Variants in PATJ observed in about 807,000 individuals in gnomAD.
PATJ encodes the protein PATJ crumbs cell polarity complex component.
A neutral mutation model predicts 224.9 loss-of-function variants in PATJ; 190 were observed. The ratio of observed to expected loss-of-function variants is 0.84; its 90% CI spans 0.75 to 0.95. PATJ has a LOEUF of 0.95. PATJ is among the 40% of genes least tolerant of loss of function. The probability of loss-of-function intolerance (pLI) is 0.00; values close to 1 mark genes in which losing one functional copy is unlikely to be tolerated. For synonymous variants in PATJ, 769 were observed against 820.3 expected, an observed-to-expected ratio of 0.94 and a Z score of 1.07; for missense variants, 2,121 against 2,270.3, an observed-to-expected ratio of 0.93 and a Z score of 1.34.
At chr1:61,800,438 G>A (rs1006180099) in intron 11 of PATJ, among the ~76,000 whole-genome samples, 7 of 152,080 alleles carry the variant, frequency 4.6e-5, no homozygotes, top group Admixed American at 4.6e-4. Context: ...TTGTTTTATT[G>A]TTACTGAGTT....
At chr1:61,876,555 G>T (rs530145051) in intron 21 of PATJ, among the ~76,000 whole-genome samples, 56 of 152,176 alleles carry the variant, frequency 3.7e-4, no homozygotes, top group Admixed American at 1.2e-3. Flanking sequence ...TGGGGGTGGG[G>T]TATCCTGTGC....
At chr1:61,835,467 G>A (rs549410823) in intron 17 of PATJ, among the ~76,000 whole-genome samples, 8 of 152,214 alleles carry the variant, frequency 5.3e-5, no homozygotes, top group Admixed American at 4.6e-4. Context: ...GCAGTGGTGC[G>A]ATCTTGGCTC....
At chr1:62,108,800 TG>T (rs1663443073) in intron 34 of PATJ, among the ~76,000 whole-genome samples, 1 of 152,006 alleles carries the variant, frequency 6.6e-6, no homozygotes, top group African/African-American at 2.4e-5. Context: ...TATATAATAT[TG>T]CAAATTTTTT....
At chr1:61,791,156 A>G (rs185106637) in intron 8 of PATJ, among the ~76,000 whole-genome samples, 192 bp from the exon 9 acceptor site, 96 of 152,284 alleles carry the variant, frequency 6.3e-4, no homozygotes, top group Non-Finnish European at 1.0e-3. Flanking sequence ...GCCCACTTGG[A>G]TAGTCTCCAT....
chr1:61,845,058 A>G (rs1661711524), intron 17 of PATJ, among the ~76,000 whole-genome samples: 1 of 152,196 alleles, frequency 6.6e-6, no homozygotes, highest in South Asian at 2.1e-4. Flanking sequence ...ATCATAATAT[A>G]TATAGGACTT....
At chr1:62,015,167 G>C (rs1288385836) in intron 28 of PATJ, among the ~76,000 whole-genome samples, 1 of 151,774 alleles carries the variant, frequency 6.6e-6, no homozygotes, top group South Asian at 2.1e-4. Flanking sequence ...AGCCGGGCTT[G>C]GTGGCGGGCA....
chr1:62,098,537 G>T lies in PATJ; in HGVS notation c.4378-9900G>T, dbSNP rs1203502918. Among the ~76,000 whole-genome samples the T allele has an allele frequency of 1.1e-4, 16 of 152,110 alleles. No homozygotes were observed. In the East Asian group the frequency reaches 3.1e-3, roughly 30 times the overall value. On this transcript the variant is annotated intron_variant, in intron 33 of 43. Coordinates refer to ENST00000642238, the MANE Select transcript of PATJ (RefSeq NM_001350145.3). The stretch of plus-strand genomic sequence containing the variant: ...TTGAACCCAGGAGGTGGAGGTTTCA[G>T]TGAGCCAAGATTGTGCCATTGCACT...
intron 20 of PATJ, among the ~76,000 whole-genome samples, chr1:61,874,167 G>T (rs1279840860): frequency 7.0e-6 from 1 of 142,132 alleles, no homozygotes; most frequent in Admixed American, 7.3e-5. Context: ...GCTCCCTTGG[G>T]CCTATTTTAT....
chr1:61,826,328 G>A (rs771060683), intron 15 of PATJ, among the ~76,000 whole-genome samples: 1 of 152,188 alleles, frequency 6.6e-6, no homozygotes, highest in African/African-American at 2.4e-5. Context: ...GGGCTTCTCC[G>A]AGTAAAGTCA....
intron 43 of PATJ, among the ~76,000 whole-genome samples, chr1:62,159,095 C>G (rs2149074299): frequency 6.6e-6 from 1 of 152,320 alleles, no homozygotes; most frequent in East Asian, 1.9e-4. Context: ...TCAACTTTGC[C>G]TAGTAATTCT....
chr1:62,002,255 G>A (rs191931664), intron 28 of PATJ, among the ~76,000 whole-genome samples: 318 of 152,172 alleles, frequency 2.1e-3, no homozygotes, highest in South Asian at 7.5e-3. Context: ...TCTCAACGTC[G>A]TCATTACAAA....
intron 43 of PATJ, among the ~76,000 whole-genome samples, chr1:62,154,137 C>T (rs534273135): frequency 6.6e-6 from 1 of 152,248 alleles, no homozygotes; most frequent in Admixed American, 6.5e-5. Context: ...CTCAGGCGAT[C>T]CACCTGCCTC....
intron 30 of PATJ, among the ~76,000 whole-genome samples, chr1:62,048,794 G>A (rs1653046225): frequency 6.6e-6 from 1 of 152,100 alleles, no homozygotes; most frequent in Non-Finnish European, 1.5e-5. Context: ...TCCAAATTCT[G>A]AAACTTGTTG....
intron 27 of PATJ, among the ~76,000 whole-genome samples, chr1:61,947,824 G>T (rs866286859): frequency 6.6e-6 from 1 of 152,092 alleles, no homozygotes; most frequent in East Asian, 1.9e-4. Flanking sequence ...GTACTACAAG[G>T]CTACAGTAAC....
intron 28 of PATJ, among the ~76,000 whole-genome samples, chr1:62,010,078 C>CAAAAAAA (rs34658070): frequency 4.8e-5 from 4 of 84,206 alleles, no homozygotes; most frequent in Non-Finnish European, 7.7e-5. Context: ...GACTCCATCT[C>CAAAAAAA]AAAAAAAAAA....
intron 7 of PATJ, among the ~76,000 whole-genome samples, chr1:61,776,872 C>T (rs1189125325): frequency 1.3e-5 from 2 of 151,900 alleles, no homozygotes; most frequent in Admixed American, 6.6e-5. Context: ...ATTATAGGTG[C>T]CTGCCACAAT....
chr1:61,888,042 T>G (rs1012600633), intron 22 of PATJ, among the ~76,000 whole-genome samples: 12 of 152,260 alleles, frequency 7.9e-5, no homozygotes, highest in Non-Finnish European at 1.0e-4. Context: ...ATAGCCCATA[T>G]CTGAGTGGAA....
At chr1:61,882,093 G>A (rs537644153) in intron 21 of PATJ, among the ~76,000 whole-genome samples, 14 of 152,138 alleles carry the variant, frequency 9.2e-5, no homozygotes, top group Non-Finnish European at 1.5e-4. Context: ...TCATGAGAGT[G>A]GAGCAGTGAA....
chr1:61,839,537 G>GA (rs917767012), intron 17 of PATJ, among the ~76,000 whole-genome samples: 2 of 151,440 alleles, frequency 1.3e-5, no homozygotes, highest in Non-Finnish European at 2.9e-5. Flanking sequence ...CAAAAAGCTT[G>GA]AAAAAAAATT....
Sources: gnomAD v4.1 joint callset for allele counts (sites outside exome capture counted in the v4.1 genomes callset) on GRCh38, gnomAD v4.1.1 for gene constraint, MANE v1.5 for transcripts, NCBI Gene and HGNC (gene_info 2026-07-23, HGNC 2026-07-21) for gene names.